The following FBLN1 variants were observed in gnomAD, a reference collection of about 807,000 sequenced individuals.
FBLN1 encodes the protein fibulin-1.
In FBLN1, 34 loss-of-function variants were observed where a neutral mutation model predicts 89.7. The observed-to-expected ratio is 0.38, with a 90% CI of 0.29 to 0.50. The LOEUF is 0.50. FBLN1 is among the 20% of genes least tolerant of loss of function. The pLI, the probability that FBLN1 is intolerant of heterozygous loss-of-function variation, is 0.92. For missense variants in FBLN1, 777 were observed against 988.1 expected (o/e 0.79, Z 2.86); for synonymous variants, 393 against 391.3 (o/e 1.00, Z -0.05).
chr22:45,525,105 AAG>A (rs3074727), intron 2 of FBLN1, among the ~76,000 whole-genome samples: 7 of 142,036 alleles, frequency 4.9e-5, no homozygotes, highest in East Asian at 2.2e-4. Context: ...GAGAAAGGGA[AAG>A]AGAGAGAGAG....
chr22:45,523,480 A>T (rs1178602234), intron 2 of FBLN1, among the ~76,000 whole-genome samples: 7 of 152,220 alleles, frequency 4.6e-5, no homozygotes. Flanking sequence ...AGGCGGGCAG[A>T]TCACTTGAGG....
chr22:45,522,493 G>T (rs1033233811), intron 2 of FBLN1, among the ~76,000 whole-genome samples: 5 of 152,208 alleles, frequency 3.3e-5, no homozygotes, highest in African/African-American at 1.2e-4. Flanking sequence ...AAAGGAGGGG[G>T]TATCAGCTCC....
intron 8 of FBLN1, 125 bp from the exon 9 acceptor site, chr22:45,541,104 G>T: frequency 1.6e-6 from 2 of 1,257,374 alleles, no homozygotes; most frequent in Non-Finnish European, 2.3e-6. Flanking sequence ...GAGTGAGGGG[G>T]TTGAGCCCCT....
chr22:45,589,621 A>G (rs4823228), intron 16 of FBLN1, among the ~76,000 whole-genome samples: 58,304 of 152,000 alleles, frequency 0.38, 12,436 homozygotes, highest in Admixed American at 0.53. Flanking sequence ...GGAGTAAAGG[A>G]GAAGAAAGTG....
At chr22:45,595,124 A>G (rs1413479556) in intron 16 of FBLN1, among the ~76,000 whole-genome samples, 3 of 152,110 alleles carry the variant, frequency 2.0e-5, no homozygotes, top group Non-Finnish European at 4.4e-5. Flanking sequence ...AGATGGAGGA[A>G]ACCTGTTCCC....
At position 45,542,030 on chromosome 22, in the gene FBLN1, C is replaced by T. The variant is rs1200196733; in HGVS notation, c.1067-125C>T. 2.5e-5 allele frequency: 36 copies of T among 1,416,932 alleles called. 1 individual carries two copies. Among genetic ancestry groups the T allele is most frequent in the Non-Finnish European group, 3.0e-5 (30 of 1,015,268 alleles). 87.8% of individuals were successfully genotyped at this position (1,416,932 alleles called of 1,614,324 possible). On this transcript the variant is annotated intron_variant, in intron 9 of 16. Coordinates refer to ENST00000327858, the MANE Select transcript of FBLN1 (RefSeq NM_006486.3). ...GCACTCAGTAGGTGCTCTGTGAAGT[C>T]GTGTTGAAATGGAATGCCTGTTTCC...
chr22:45,546,859 C>G (rs938983651), intron 11 of FBLN1, among the ~76,000 whole-genome samples: 2 of 152,166 alleles, frequency 1.3e-5, no homozygotes, highest in African/African-American at 4.8e-5. Context: ...CGCTGCCATC[C>G]TGGCAGGAGA....
At chr22:45,533,658 G>T in intron 6 of FBLN1, 103 bp from the exon 7 acceptor site, 1 of 1,365,186 alleles carries the variant, frequency 7.3e-7, no homozygotes, top group Non-Finnish European at 1.0e-6. Flanking sequence ...TTGCGAGGGT[G>T]CAGGGAAGCA....
In FBLN1 at chr22:45,581,182, C is replaced by T. The variant is rs2089038972; in HGVS notation, c.1972+4074C>T. 6.6e-6 allele frequency among the ~76,000 whole-genome samples: 1 copy of T among 152,144 alleles called. No homozygotes were observed. The highest frequency in any genetic ancestry group is 2.4e-5 in the African/African-American group (1 of 41,446). ...GCAGGGGCGGGCTGTGTATCATCAG[C>T]GTGCGGAAGAGAGAGACAGAAAGGC... On this transcript the variant is annotated intron_variant, in intron 16 of 16. Coordinates refer to ENST00000327858, the MANE Select transcript of FBLN1 (RefSeq NM_006486.3). This position sits in a 1 kb window ranked among gnomAD's most constrained non-coding sequence, Gnocchi z 7.6.
intron 14 of FBLN1, among the ~76,000 whole-genome samples, chr22:45,559,856 G>T (rs992064374): frequency 2.0e-5 from 3 of 152,182 alleles, no homozygotes; most frequent in Non-Finnish European, 4.4e-5. Flanking sequence ...TGCATAAATT[G>T]TCAGTAATGT....
At position 45,581,695 on chromosome 22, in the gene FBLN1, G is replaced by A. The variant is rs1046472194; in HGVS notation, c.1972+4587G>A. On this transcript the variant is annotated intron_variant, in intron 16 of 16. Transcript: ENST00000327858. The surrounding 1 kb of genome is among the most constrained non-coding windows in gnomAD (Gnocchi z 7.6). ...CCTCCTGTCGCACGGGCATGACCAT[G>A]GGGCAGTCAGGGGAGGCTTCCTGGA... Among the ~76,000 whole-genome samples the A allele has an allele frequency of 1.5e-4, 23 of 152,054 alleles. No homozygotes were observed. Among genetic ancestry groups the A allele is most frequent in the Admixed American group, 1.4e-3 (21 of 15,274 alleles).
At chr22:45,598,597 C>T (rs548341468) in intron 16 of FBLN1, among the ~76,000 whole-genome samples, 3 of 152,334 alleles carry the variant, frequency 2.0e-5, no homozygotes, top group South Asian at 4.1e-4. Context: ...CCTCCATTCT[C>T]GCCCCCGCTG....
In FBLN1 at chr22:45,599,905, G is replaced by C. The variant is rs141828130; in HGVS notation, c.1973-402G>C. 2.3e-3 allele frequency among the ~76,000 whole-genome samples: 352 copies of C among 152,294 alleles called. 1 individual carries two copies. Among genetic ancestry groups the C allele is most frequent in the African/African-American group, 8.0e-3 (334 of 41,574 alleles). The stretch of plus-strand genomic sequence containing the variant: ...GCACTCCAGCCTGGGCAACAAGAGT[G>C]AAACTCCGTCGCAAAAACAAAAGAC... On this transcript the variant is annotated intron_variant, in intron 16 of 16. Transcript: ENST00000327858.
chr22:45,517,819 C>T (rs189727747), intron 1 of FBLN1: 2 of 360,206 alleles, frequency 5.6e-6, no homozygotes, highest in Non-Finnish European at 1.1e-5. Context: ...ATGTGGGTCA[C>T]AGAAGCTGGT....
rs1327703403 is a variant in FBLN1, at chr22:45,575,208, G to A, written c.1840+555G>A. ...TTATGGGTAACGGTTGTTCTGCAGA[G>A]AGCCATTAAGCGCTGATTCTGTGAC... On this transcript the variant is annotated intron_variant, in intron 15 of 16. Coordinates refer to ENST00000327858, the MANE Select transcript of FBLN1 (RefSeq NM_006486.3). The surrounding 1 kb of genome is among the most constrained non-coding windows in gnomAD (Gnocchi z 6.3). Among the ~76,000 whole-genome samples the A allele has an allele frequency of 6.6e-6, 1 of 152,166 alleles. No individual in the cohort carries two copies. Among genetic ancestry groups the A allele is most frequent in the African/African-American group, 2.4e-5 (1 of 41,428 alleles).
In FBLN1 at chr22:45,577,537, A is replaced by G. The variant is rs188184812; in HGVS notation, c.1972+429A>G. On this transcript the variant is annotated intron_variant, in intron 16 of 16. Transcript: ENST00000327858. The surrounding 1 kb of genome is among the most constrained non-coding windows in gnomAD (Gnocchi z 6.6). ...CAATGGGAGGGATAGCAAAGTAGGA[A>G]TCAGAGGGCCTGAGCTCTGGTCTCT... 1.3e-5 allele frequency among the ~76,000 whole-genome samples: 2 copies of G among 152,314 alleles called. No individual in the cohort carries two copies. The highest frequency in any genetic ancestry group is 1.3e-4 in the Admixed American group (2 of 15,308).
At chr22:45,565,092 C>T (rs900011257) in intron 14 of FBLN1, 3 of 1,594,302 alleles carry the variant, frequency 1.9e-6, no homozygotes, top group Non-Finnish European at 1.7e-6. Flanking sequence ...ACGGCCCTTG[C>T]CACTGTCTCC....
intron 2 of FBLN1, chr22:45,522,988 G>C: frequency 9.1e-6 from 5 of 547,466 alleles, no homozygotes; most frequent in South Asian, 8.6e-5. Context: ...AGAATGCAAA[G>C]AAAGTAATAA....
Position 45,550,261 on chromosome 22 carries a change from C to A in FBLN1, c.1574-231C>A, listed in dbSNP as rs549616319. On this transcript the variant is annotated intron_variant, in intron 13 of 16. Coordinates refer to ENST00000327858, the MANE Select transcript of FBLN1 (RefSeq NM_006486.3). The surrounding 1 kb of genome is among the most constrained non-coding windows in gnomAD (Gnocchi z 8.4). ...GTAGTGTTTACTTTTACCATCGTCACGCTCCCTCCAGGGATTGCGAATGAT... is the reference window on the plus strand; with the variant it reads ...GTAGTGTTTACTTTTACCATCGTCAAGCTCCCTCCAGGGATTGCGAATGAT... 1.3e-5 allele frequency among the ~76,000 whole-genome samples: 2 copies of A among 152,222 alleles called. No individual in the cohort carries two copies. Among genetic ancestry groups the A allele is most frequent in the African/African-American group, 4.8e-5 (2 of 41,450 alleles).
Sources: gnomAD v4.1 joint callset for allele counts (sites outside exome capture counted in the v4.1 genomes callset) on GRCh38, gnomAD v4.1.1 for gene constraint, Gnocchi (gnomAD v3.1) non-coding constraint, MANE v1.5 for transcripts, NCBI Gene and HGNC (gene_info 2026-07-23, HGNC 2026-07-21) for gene names.